Variants in CCDC73 observed in about 807,000 individuals in gnomAD.
CCDC73 encodes coiled-coil domain containing 73.
CCDC73 carries 95 observed loss-of-function variants against 116.5 expected under a neutral mutation model. The ratio of observed to expected loss-of-function variants is 0.82; its 90% CI spans 0.69 to 0.97. The LOEUF (loss-of-function observed/expected upper bound fraction) is 0.97, where lower values mean the gene tolerates loss of function less well. CCDC73 is among the 50% of genes least tolerant of loss of function. The probability of loss-of-function intolerance (pLI) is 0.00; values close to 1 mark genes in which losing one functional copy is unlikely to be tolerated. For missense variants in CCDC73, 1,066 were observed against 1,206.8 expected (o/e 0.88, Z 1.73); for synonymous variants, 398 against 401.3 (o/e 0.99, Z 0.10).
At chr11:32,653,281 T>TA in intron 11 of CCDC73, 54 bp from the exon 12 acceptor site, 1 of 1,124,814 alleles carries the variant, frequency 8.9e-7, no homozygotes, top group Non-Finnish European at 1.3e-6. Flanking sequence ...GGTATGTTTC[T>TA]AAAATCATTC....
intron 17 of CCDC73, among the ~76,000 whole-genome samples, chr11:32,609,789 T>A (rs945246887): frequency 1.3e-4 from 20 of 152,094 alleles, no homozygotes; most frequent in African/African-American, 3.9e-4. Flanking sequence ...CAATTTTTTT[T>A]ATTTTTTTGA....
chr11:32,675,067 T>C (rs1391622769), intron 9 of CCDC73, among the ~76,000 whole-genome samples: 1 of 152,176 alleles, frequency 6.6e-6, no homozygotes, highest in African/African-American at 2.4e-5. Context: ...TCTAATAAAG[T>C]CACCTGTGAT....
intron 14 of CCDC73, among the ~76,000 whole-genome samples, chr11:32,618,245 A>G (rs187965943): frequency 1.3e-5 from 2 of 152,272 alleles, no homozygotes; most frequent in Admixed American, 1.3e-4. Flanking sequence ...TCCATGGTGT[A>G]TATGTACCAC....
chr11:32,675,544 G>A (rs750019548), intron 9 of CCDC73, 21 bp downstream of exon 9: 1 of 1,418,654 alleles, frequency 7.0e-7, no homozygotes, highest in East Asian at 2.3e-5. Flanking sequence ...ACTTAGTAGT[G>A]TGAAACTGTA....
chr11:32,665,878 T>C (rs1202024283), intron 9 of CCDC73, among the ~76,000 whole-genome samples: 1 of 152,232 alleles, frequency 6.6e-6, no homozygotes, highest in Non-Finnish European at 1.5e-5. Flanking sequence ...TCTCAGCATT[T>C]GCTTGTCTAT....
In CCDC73 at chr11:32,602,911, T is replaced by G. The variant is rs1267240165; in HGVS notation, c.3140A>C (p.Gln1047Pro). 3.1e-6 allele frequency: 5 copies of G among 1,612,376 alleles called. No homozygotes were observed. The African/African-American group carries it at 5.3e-5, about 17-fold the overall frequency. Residue 1047 changes from glutamine (Q) to proline (P), a missense_variant, in exon 18 of 18, where the codon CAA (glutamine) becomes CCA (proline). Transcript: ENST00000335185. ...DDDWQSLITN[Q>P]LNKSENLLSL... ...TAGTAAATTTTCACTTTTATTTAGT[T>G]GATTCGTAATGAGGCTCTGCCAGTC... is the stretch of plus-strand genomic sequence containing the variant.
At chr11:32,746,386 ATTTGACAG>A (rs1850239783) in intron 2 of CCDC73, among the ~76,000 whole-genome samples, 1 of 152,124 alleles carries the variant, frequency 6.6e-6, no homozygotes, top group African/African-American at 2.4e-5. Context: ...ACCTTGGTGA[ATTTGACAG>A]TTATGTGTCT....
chr11:32,825,450 G>A, the CCDC73 span, among the ~76,000 whole-genome samples: 1 of 151,894 alleles, frequency 6.6e-6, no homozygotes, highest in African/African-American at 2.4e-5. Context: ...TTACAGACAT[G>A]CACCACCACA....
intron 17 of CCDC73, among the ~76,000 whole-genome samples, chr11:32,610,195 G>A (rs1390862427): frequency 1.3e-5 from 2 of 152,126 alleles, no homozygotes; most frequent in Non-Finnish European, 2.9e-5. Context: ...TCACTGTCAT[G>A]AGAATAGCAC....
chr11:32,631,947 T>G (rs1739229001), intron 14 of CCDC73, among the ~76,000 whole-genome samples: 2 of 152,114 alleles, frequency 1.3e-5, no homozygotes, highest in Admixed American at 1.3e-4. Flanking sequence ...TTTTAAGATT[T>G]CTCTTGTGAG....
chr11:32,674,162 T>C (rs1412525798), intron 9 of CCDC73, among the ~76,000 whole-genome samples: 1 of 152,136 alleles, frequency 6.6e-6, no homozygotes, highest in South Asian at 2.1e-4. Flanking sequence ...AAACAGAAGA[T>C]TTTTTTGCAT....
chr11:32,830,336 C>A, the CCDC73 span, among the ~76,000 whole-genome samples: 1 of 152,228 alleles, frequency 6.6e-6, no homozygotes, highest in Non-Finnish European at 1.5e-5. Context: ...GTCCCAGGCG[C>A]TCTCAGGGGC....
At chr11:32,619,070 C>G (rs1213428787) in intron 14 of CCDC73, among the ~76,000 whole-genome samples, 1 of 152,156 alleles carries the variant, frequency 6.6e-6, no homozygotes, top group Non-Finnish European at 1.5e-5. Context: ...CTTATAGATT[C>G]TGGATATTAG....
intron 2 of CCDC73, among the ~76,000 whole-genome samples, chr11:32,730,122 A>ATAG (rs1380488189): frequency 6.6e-6 from 1 of 152,220 alleles, no homozygotes; most frequent in African/African-American, 2.4e-5. Context: ...AAATTTGCAT[A>ATAG]TAGTACAGTT....
the CCDC73 span, among the ~76,000 whole-genome samples, chr11:32,805,409 AAT>A: frequency 6.6e-6 from 1 of 152,232 alleles, no homozygotes; most frequent in East Asian, 1.9e-4. Context: ...CTGTGACATT[AAT>A]AAGCATTCCA....
chr11:32,723,170 T>G (rs144518380), intron 2 of CCDC73, among the ~76,000 whole-genome samples: 4 of 152,318 alleles, frequency 2.6e-5, no homozygotes, highest in Non-Finnish European at 5.9e-5. Flanking sequence ...ATCTGGTTAT[T>G]TGGTAAAACA....
chr11:32,733,432 A>G (rs1850097772), intron 2 of CCDC73, among the ~76,000 whole-genome samples: 2 of 152,224 alleles, frequency 1.3e-5, no homozygotes, highest in African/African-American at 4.8e-5. Context: ...AGAGACATCT[A>G]CAGAACTCTC....
In CCDC73 at chr11:32,655,377, T is replaced by A. The variant is rs142669212; in HGVS notation, c.646-405A>T. Among the ~76,000 whole-genome samples the A allele has an allele frequency of 4.8e-3, 727 of 152,334 alleles. 5 individuals carry two copies. Among genetic ancestry groups the A allele is most frequent in the Non-Finnish European group, 8.0e-3 (545 of 68,028 alleles). ...TTACAATACAATGTAATGAGTGCTA[T>A]ATTAGAAAAATGAATAAAAAACATA... is the stretch of plus-strand genomic sequence containing the variant. On this transcript the variant is annotated intron_variant, in intron 9 of 17. Transcript: ENST00000335185.
At chr11:32,615,042 T>C in intron 15 of CCDC73, 100 bp from the exon 16 acceptor site, 1 of 669,510 alleles carries the variant, frequency 1.5e-6, no homozygotes, top group Non-Finnish European at 2.4e-6. Flanking sequence ...TATTTAACCT[T>C]AAATATTTTA....
Sources: allele counts gnomAD v4.1 joint callset (sites outside exome capture counted in the v4.1 genomes callset), GRCh38; gene constraint gnomAD v4.1.1; transcripts MANE v1.5; gene names NCBI Gene and HGNC (gene_info 2026-07-23, HGNC 2026-07-21).